PAX5: variants seen among roughly 807,000 people sequenced by gnomAD.
PAX5 encodes paired box protein Pax-5.
PAX5 carries 9 observed loss-of-function variants against 43.7 expected under a neutral mutation model. The ratio of observed to expected loss-of-function variants is 0.21; its 90% CI spans 0.12 to 0.36. The LOEUF (loss-of-function observed/expected upper bound fraction) is 0.36. PAX5 is among the 10% of genes least tolerant of loss of function. The pLI, the probability that PAX5 is intolerant of heterozygous loss-of-function variation, is 1.00. For missense variants in PAX5, 383 were observed against 532.7 expected (o/e 0.72, Z 2.77); for synonymous variants, 228 against 214.3 (o/e 1.06, Z -0.56).
chr9:36,910,794 C>T (rs1829209988), intron 7 of PAX5, among the ~76,000 whole-genome samples: 1 of 152,152 alleles, frequency 6.6e-6, no homozygotes, highest in African/African-American at 2.4e-5. Context: ...ACTGACCCCG[C>T]GCTGTGTGAA....
intron 8 of PAX5, among the ~76,000 whole-genome samples, chr9:36,851,289 G>A (rs1405301055): frequency 6.6e-6 from 1 of 152,200 alleles, no homozygotes; most frequent in African/African-American, 2.4e-5. Context: ...AACGTAATTT[G>A]ATAGCTTTCG....
chr9:36,886,495 C>G (rs1194949043), intron 7 of PAX5, among the ~76,000 whole-genome samples: 1 of 152,184 alleles, frequency 6.6e-6, no homozygotes, highest in Non-Finnish European at 1.5e-5. Context: ...TTCACCTTCT[C>G]AGTCCCTTCC....
intron 3 of PAX5, among the ~76,000 whole-genome samples, chr9:37,011,423 G>A (rs1368868720): frequency 6.6e-6 from 1 of 152,114 alleles, no homozygotes; most frequent in African/African-American, 2.4e-5. Flanking sequence ...GTACTAAATA[G>A]AGCTGCCCCT....
At chr9:36,901,403 G>A (rs933377534) in intron 7 of PAX5, among the ~76,000 whole-genome samples, 4 of 152,060 alleles carry the variant, frequency 2.6e-5, no homozygotes, top group East Asian at 1.9e-4. Context: ...AGTGGCCCCC[G>A]TTGTGCACCT....
rs2131763414 is a variant in PAX5, at chr9:36,882,060, A to T, written c.956T>A (p.Val319Asp). 6.2e-7 allele frequency: 1 copy of T among 1,610,190 alleles called. No homozygotes were observed. The highest frequency in any genetic ancestry group is 1.1e-5 in the South Asian group (1 of 90,830). The stretch of plus-strand genomic sequence containing the variant: ...GTAGCTGCCCTGTCCAGCGGGGGGG[A>T]CGTGTGGAGGGTACCCGGGGAGGGT... ...STTLPGYPPH[V>D]PPAGQGSYSA... The change falls in exon 8 of 10, where the codon GTC becomes GAC. Residue 319 changes from valine to aspartate, a missense_variant. Transcript: ENST00000358127. The surrounding 1 kb of genome is among the most constrained non-coding windows in gnomAD (Gnocchi z 4.4).
At chr9:37,025,519 G>A (rs1033002787) in intron 1 of PAX5, among the ~76,000 whole-genome samples, 2 of 152,182 alleles carry the variant, frequency 1.3e-5, no homozygotes, top group African/African-American at 2.4e-5. Context: ...AGCGGCACCC[G>A]AGCCGAGGCT....
At chr9:36,847,019 T>C in intron 8 of PAX5, 90 bp from the exon 9 acceptor site, 1 of 866,406 alleles carries the variant, frequency 1.2e-6, no homozygotes, top group Non-Finnish European at 1.9e-6. Context: ...TGGTTGCCAA[T>C]GGCATTTGCC....
chr9:36,889,651 C>A (rs117487893), intron 7 of PAX5, among the ~76,000 whole-genome samples: 27 of 152,340 alleles, frequency 1.8e-4, no homozygotes, highest in Non-Finnish European at 3.7e-4. Context: ...TGCTTCTAGA[C>A]TGGAAGTCCC....
chr9:36,889,541 A>G (rs1349969101), intron 7 of PAX5, among the ~76,000 whole-genome samples: 1 of 152,204 alleles, frequency 6.6e-6, no homozygotes, highest in Admixed American at 6.5e-5. Flanking sequence ...CACCTGCCCA[A>G]GTTCCCACAG....
rs994937824 is a variant in PAX5 at position 36,838,628 on chromosome 9, T to TC, written c.*1931dup. The TC allele has an allele frequency of 1.3e-5, 3 of 233,072 alleles. No individual in the cohort carries two copies. Among genetic ancestry groups the TC allele is most frequent in the African/African-American group, 4.4e-5 (2 of 45,302 alleles). 14.4% of individuals were successfully genotyped at this position (233,072 alleles called of 1,614,324 possible). A position where few individuals can be genotyped will look rare whatever the true frequency, so the allele number is the denominator to read the frequency against. On this transcript the variant is annotated 3_prime_UTR_variant, in exon 10 of 10. Coordinates refer to ENST00000358127, the MANE Select transcript of PAX5 (RefSeq NM_016734.3). Reference sequence around the variant, plus strand: ...AGGTCTTTTTCCAGGCTCTTCTGATTCCCGCCCCTCCGAGTGTTCTTGTTT... The same window carrying TC: ...AGGTCTTTTTCCAGGCTCTTCTGATTCCCCGCCCCTCCGAGTGTTCTTGTTT...
intron 7 of PAX5, among the ~76,000 whole-genome samples, chr9:36,908,350 C>G (rs1261484806): frequency 6.6e-6 from 1 of 152,068 alleles, no homozygotes; most frequent in Non-Finnish European, 1.5e-5. Context: ...GCAACTGTCC[C>G]TTCCTTCATG....
intron 6 of PAX5, among the ~76,000 whole-genome samples, chr9:36,947,602 G>T (rs1563998262): frequency 6.6e-6 from 1 of 151,620 alleles, no homozygotes; most frequent in Non-Finnish European, 1.5e-5. Flanking sequence ...GGTCTCAAAT[G>T]GTCTCAAGTG....
chr9:36,882,159 C>T lies in PAX5; in HGVS notation c.911-54G>A, dbSNP rs1054220237. The T allele has an allele frequency of 2.8e-6, 4 of 1,406,550 alleles. No homozygotes were observed. The highest frequency in any genetic ancestry group is 2.8e-5 in the African/African-American group (2 of 70,526). 87.1% of individuals were successfully genotyped at this position (1,406,550 alleles called of 1,614,324 possible). Reference sequence around the variant, plus strand: ...GTGAGCATCTTCGCGGCCAGCCGCTCATGTCCACAGCTCCCTGGACGCTTC... The same window carrying T: ...GTGAGCATCTTCGCGGCCAGCCGCTTATGTCCACAGCTCCCTGGACGCTTC... On this transcript the variant is annotated intron_variant, in intron 7 of 9. Coordinates refer to ENST00000358127, the MANE Select transcript of PAX5 (RefSeq NM_016734.3). This position sits in a 1 kb window ranked among gnomAD's most constrained non-coding sequence, Gnocchi z 4.4.
At chr9:36,867,067 G>C (rs553115485) in intron 8 of PAX5, among the ~76,000 whole-genome samples, 5 of 129,772 alleles carry the variant, frequency 3.9e-5, no homozygotes, top group Middle Eastern at 4.3e-3. Flanking sequence ...TGGTGGGGGG[G>C]GGGCCTTGGT....
At chr9:36,933,415 C>T (rs948826379) in intron 6 of PAX5, among the ~76,000 whole-genome samples, 1 of 152,182 alleles carries the variant, frequency 6.6e-6, no homozygotes, top group African/African-American at 2.4e-5. Flanking sequence ...AAGTCTAAGT[C>T]CTCTTGCCTG....
intron 6 of PAX5, among the ~76,000 whole-genome samples, chr9:36,923,972 C>T (rs1830389492): frequency 6.6e-6 from 1 of 152,330 alleles, no homozygotes; most frequent in East Asian, 1.9e-4. Context: ...TCCAAATCCT[C>T]ATTTCACAGA....
At chr9:36,896,520 T>C (rs1827884611) in intron 7 of PAX5, among the ~76,000 whole-genome samples, 1 of 151,998 alleles carries the variant, frequency 6.6e-6, no homozygotes, top group Non-Finnish European at 1.5e-5. Context: ...AGAACATGCA[T>C]TAAATTGTGC....
chr9:36,890,697 A>G (rs1827302666), intron 7 of PAX5, among the ~76,000 whole-genome samples: 1 of 152,164 alleles, frequency 6.6e-6, no homozygotes, highest in Admixed American at 6.5e-5. Context: ...AGAGACAGAT[A>G]TGGCAGTGCC....
At chr9:37,017,272 C>CA (rs559686180) in intron 2 of PAX5, among the ~76,000 whole-genome samples, 121 of 152,336 alleles carry the variant, frequency 7.9e-4, no homozygotes, top group South Asian at 3.1e-3. Flanking sequence ...TGCAAGGCCA[C>CA]AGGGATTTAT....
Sources: gnomAD v4.1 joint callset for allele counts (sites outside exome capture counted in the v4.1 genomes callset) on GRCh38, gnomAD v4.1.1 for gene constraint, Gnocchi (gnomAD v3.1) non-coding constraint, MANE v1.5 for transcripts, NCBI Gene and HGNC (gene_info 2026-07-23, HGNC 2026-07-21) for gene names.